The following TAB2 variants were observed in gnomAD, a reference collection of about 807,000 sequenced individuals.
TAB2 encodes the protein TGF-beta-activated kinase 1 and MAP3K7-binding protein 2.
A neutral mutation model predicts 65.0 loss-of-function variants in TAB2; 3 were observed. The ratio of observed to expected loss-of-function variants is 0.05; its 90% CI spans 0.02 to 0.12. The LOEUF (loss-of-function observed/expected upper bound fraction) is 0.12, where lower values mean the gene tolerates loss of function less well. Ranked by LOEUF, TAB2 falls within the 10% of genes least tolerant of loss-of-function variation. The pLI, the probability that TAB2 is intolerant of heterozygous loss-of-function variation, is 1.00. For synonymous variants in TAB2, 298 were observed against 285.1 expected (o/e 1.05, Z -0.46); for missense variants, 623 against 840.3 (o/e 0.74, Z 3.20).
intron 2 of TAB2, among the ~76,000 whole-genome samples, chr6:149,373,686 T>A (rs530961678): frequency 5.3e-5 from 8 of 152,314 alleles, no homozygotes; most frequent in African/African-American, 1.9e-4. Flanking sequence ...ATTCAGACCT[T>A]TTTATAGCTT....
At chr6:149,258,419 A>ACACC (rs915734801) in intron 1 of TAB2, among the ~76,000 whole-genome samples, 6 of 19,520 alleles carry the variant, frequency 3.1e-4, no homozygotes, top group Admixed American at 2.6e-3. Flanking sequence ...GACTGCCTAC[A>ACACC]CACACACACA....
intron 1 of TAB2, chr6:149,257,389 T>G (rs936887038): frequency 6.6e-6 from 1 of 152,132 alleles, no homozygotes; most frequent in Admixed American, 6.5e-5. Flanking sequence ...CCCACCTGTG[T>G]GTGGAATAGG....
intron 1 of TAB2, among the ~76,000 whole-genome samples, chr6:149,322,089 G>GCTT (rs1779473823): frequency 6.6e-6 from 1 of 152,098 alleles, no homozygotes; most frequent in South Asian, 2.1e-4. Context: ...TGTGTGCCAA[G>GCTT]CTTTTCTTCA....
intron 2 of TAB2, among the ~76,000 whole-genome samples, chr6:149,374,819 G>A (rs1205971432): frequency 1.3e-5 from 2 of 152,086 alleles, no homozygotes; most frequent in African/African-American, 2.4e-5. Context: ...GATTGACCAC[G>A]GGGTGCAGTC....
At chr6:149,343,109 C>G (rs376249105) in intron 1 of TAB2, among the ~76,000 whole-genome samples, 1 of 151,810 alleles carries the variant, frequency 6.6e-6, no homozygotes, top group African/African-American at 2.4e-5. Flanking sequence ...TATAAACATA[C>G]CAAAAAAAAT....
At chr6:149,382,545 G>A (rs926409890) in intron 3 of TAB2, among the ~76,000 whole-genome samples, 3 of 151,798 alleles carry the variant, frequency 2.0e-5, no homozygotes, top group African/African-American at 7.3e-5. Flanking sequence ...GCAGTGAGCC[G>A]AGATCATGCC....
chr6:149,377,500 A>G (rs1781444399), intron 2 of TAB2, among the ~76,000 whole-genome samples: 1 of 152,168 alleles, frequency 6.6e-6, no homozygotes, highest in Non-Finnish European at 1.5e-5. Context: ...AAGGATTGAG[A>G]TGACTGGTAT....
chr6:149,376,440 A>C (rs1486434575), intron 2 of TAB2, among the ~76,000 whole-genome samples: 1 of 152,214 alleles, frequency 6.6e-6, no homozygotes, highest in Non-Finnish European at 1.5e-5. Context: ...ACAAATATTT[A>C]GCTCCAGCCA....
rs1375023641 is a variant in TAB2 at position 149,264,088 on chromosome 6, G to A, written c.-121+45312G>A. Among the ~76,000 whole-genome samples the A allele has an allele frequency of 8.5e-5, 13 of 152,358 alleles. No homozygotes were observed. In the East Asian group the frequency reaches 2.3e-3, roughly 27 times the overall value. The stretch of plus-strand genomic sequence containing the variant: ...GCACAGGCAGGCCGCTGTAGGTTGT[G>A]TTGGCCCGAGGACCCAGCAGAATGG... On this transcript the variant is annotated intron_variant, in intron 1 of 1. Coordinates refer to the TAB2 transcript ENST00000606202.
At chr6:149,334,643 C>T (rs912628580) in intron 1 of TAB2, among the ~76,000 whole-genome samples, 1 of 151,484 alleles carries the variant, frequency 6.6e-6, no homozygotes, top group African/African-American at 2.4e-5. Flanking sequence ...TGACAGCACT[C>T]CAGCCTGGAA....
intron 1 of TAB2, among the ~76,000 whole-genome samples, chr6:149,248,200 T>C (rs1032077726): frequency 6.6e-6 from 1 of 152,068 alleles, no homozygotes; most frequent in East Asian, 1.9e-4. Context: ...AAAACCAACC[T>C]AACCAACATG....
At chr6:149,277,406 T>A (rs939448142) in intron 1 of TAB2, among the ~76,000 whole-genome samples, 3 of 152,132 alleles carry the variant, frequency 2.0e-5, no homozygotes, top group Non-Finnish European at 4.4e-5. Flanking sequence ...ATCTTTAAAA[T>A]ATACTGTTAA....
intron 3 of TAB2, 125 bp from the exon 4 acceptor site, chr6:149,397,479 T>C: frequency 8.8e-7 from 1 of 1,131,470 alleles, no homozygotes; most frequent in Non-Finnish European, 1.3e-6. Context: ...ATGCCTAAAC[T>C]TACAATATTT....
rs567135641 is a variant in TAB2 at position 149,408,142 on chromosome 6, C to T, written c.1940-1435C>T. ...AGATGTGGAATGTGAGATGATTTTA[C>T]GTGGTAAAAAGTCAAAAGTTTTTTA... On this transcript the variant is annotated intron_variant, in intron 6 of 6. Coordinates refer to ENST00000637181, the MANE Select transcript of TAB2 (RefSeq NM_001292034.3). 2.2e-4 allele frequency among the ~76,000 whole-genome samples: 29 copies of T among 132,880 alleles called. No individual in the cohort carries two copies. The South Asian group carries it at 4.3e-3, about 20-fold the overall frequency. The allele number at this position is 132,880 out of a possible 152,430, so 87.2% of individuals were successfully genotyped here. A position where few individuals can be genotyped will look rare whatever the true frequency, so the allele number is the denominator to read the frequency against.
chr6:149,249,419 ACTCT>A (rs143156863), intron 1 of TAB2, among the ~76,000 whole-genome samples: 2 of 150,644 alleles, frequency 1.3e-5, no homozygotes, highest in South Asian at 2.1e-4. Flanking sequence ...TCTCTCTGTA[ACTCT>A]CTCTCTGTCT....
At chr6:149,223,852 A>T (rs1193654733) in intron 1 of TAB2, among the ~76,000 whole-genome samples, 1 of 151,986 alleles carries the variant, frequency 6.6e-6, no homozygotes, top group African/African-American at 2.4e-5. Context: ...GGCTGAATGT[A>T]AATATTCCTT....
intron 6 of TAB2, among the ~76,000 whole-genome samples, chr6:149,408,446 T>C (rs542603907): frequency 6.6e-6 from 1 of 152,296 alleles, no homozygotes; most frequent in African/African-American, 2.4e-5. Flanking sequence ...GTACCAAATA[T>C]CACTTAATTA....
At chr6:149,283,013 C>CT (rs1261644431) in intron 1 of TAB2, among the ~76,000 whole-genome samples, 2 of 151,996 alleles carry the variant, frequency 1.3e-5, no homozygotes, top group Non-Finnish European at 2.9e-5. Context: ...ATTTTATTTC[C>CT]TTAATTTTAA....
At chr6:149,403,247 A>ATATATAT (rs1446132000) in intron 6 of TAB2, among the ~76,000 whole-genome samples, 45 of 44,004 alleles carry the variant, frequency 1.0e-3, no homozygotes, top group East Asian at 1.7e-3. Flanking sequence ...AAAAAAAAAA[A>ATATATAT]ATATATATAT....
Sources: gnomAD v4.1 joint callset for allele counts (sites outside exome capture counted in the v4.1 genomes callset) on GRCh38, gnomAD v4.1.1 for gene constraint, MANE v1.5 for transcripts, NCBI Gene and HGNC (gene_info 2026-07-23, HGNC 2026-07-21) for gene names.